The following IMPG1 variants were observed in gnomAD, a reference collection of about 807,000 sequenced individuals.
IMPG1 encodes the protein interphotoreceptor matrix proteoglycan 1.
Under a neutral mutation model 92.0 loss-of-function variants are expected in IMPG1, and 85 were observed. The ratio of observed to expected loss-of-function variants is 0.92; its 90% CI spans 0.78 to 1.11. The LOEUF is 1.11. Ranked by LOEUF, IMPG1 falls within the 50% of genes least tolerant of loss-of-function variation. The probability of loss-of-function intolerance (pLI) is 0.00; values close to 1 mark genes in which losing one functional copy is unlikely to be tolerated. For missense variants in IMPG1, 1,022 were observed against 956.0 expected (o/e 1.07, Z -0.91); for synonymous variants, 367 against 334.1 (o/e 1.10, Z -1.08).
chr6:76,029,302 G>T (rs139591448), intron 4 of IMPG1, among the ~76,000 whole-genome samples: 1 of 152,308 alleles, frequency 6.6e-6, no homozygotes, highest in South Asian at 2.1e-4. Flanking sequence ...GAGAGTCCTC[G>T]TGGAACAGAC....
intron 1 of IMPG1, among the ~76,000 whole-genome samples, chr6:76,065,481 A>G (rs913252861): frequency 1.3e-5 from 2 of 152,174 alleles, no homozygotes; most frequent in African/African-American, 4.8e-5. Flanking sequence ...ACCAAGTGAA[A>G]GAAAGAATAT....
At chr6:76,000,153 C>T (rs1782964267) in intron 12 of IMPG1, among the ~76,000 whole-genome samples, 1 of 152,160 alleles carries the variant, frequency 6.6e-6, no homozygotes, top group Non-Finnish European at 1.5e-5. Context: ...CTTTACACAG[C>T]CTGTTAAGAA....
intron 2 of IMPG1, 115 bp downstream of exon 2, chr6:76,041,778 A>T (rs1783846624): frequency 8.9e-6 from 6 of 673,116 alleles, no homozygotes; most frequent in Non-Finnish European, 1.6e-5. Flanking sequence ...GATTTTTATA[A>T]TTCTTGTGGC....
At chr6:75,953,978 T>C (rs1236307750) in intron 12 of IMPG1, among the ~76,000 whole-genome samples, 2 of 152,266 alleles carry the variant, frequency 1.3e-5, no homozygotes, top group Non-Finnish European at 2.9e-5. Context: ...TTCCATGGTA[T>C]ATATGTGCTA....
At chr6:75,993,573 G>A (rs1226676862) in intron 12 of IMPG1, among the ~76,000 whole-genome samples, 2 of 151,992 alleles carry the variant, frequency 1.3e-5, no homozygotes, top group Non-Finnish European at 2.9e-5. Flanking sequence ...TCTTATAAGG[G>A]CTCGGCCCTC....
At chr6:76,032,461 A>G (rs540541464) in intron 4 of IMPG1, among the ~76,000 whole-genome samples, 1 of 152,326 alleles carries the variant, frequency 6.6e-6, no homozygotes, top group African/African-American at 2.4e-5. Flanking sequence ...TTTAAAATCT[A>G]TAAAAGAGTG....
chr6:76,063,217 A>C lies in IMPG1; in HGVS notation c.67+9205T>G, dbSNP rs182098453. 4.2e-3 allele frequency among the ~76,000 whole-genome samples: 636 copies of C among 151,938 alleles called. 6 individuals carry two copies. Among genetic ancestry groups the C allele is most frequent in the African/African-American group, 0.015 (603 of 41,528 alleles). On this transcript the variant is annotated intron_variant, in intron 1 of 16. Coordinates refer to ENST00000369950, the MANE Select transcript of IMPG1 (RefSeq NM_001563.4). ...AGACTCCATCTCAAAAAAATAAAAT[A>C]AAATAAATAAAATGAAATAAATTAA...
intron 12 of IMPG1, among the ~76,000 whole-genome samples, chr6:75,962,086 A>T (rs1782219873): frequency 6.6e-6 from 1 of 151,932 alleles, no homozygotes. Context: ...TTTCACCAAG[A>T]CTTCTGCAAT....
chr6:76,003,671 T>C (rs1414542554), intron 11 of IMPG1, among the ~76,000 whole-genome samples: 1 of 152,226 alleles, frequency 6.6e-6, no homozygotes, highest in Non-Finnish European at 1.5e-5. Context: ...CTTTGAGATA[T>C]TTAAAATGCA....
rs561794509 is a variant in IMPG1, at chr6:76,009,113, A to G, written c.867-1613T>C. Among the ~76,000 whole-genome samples the G allele has an allele frequency of 2.6e-5, 4 of 152,320 alleles. No individual in the cohort carries two copies. In the South Asian group the frequency reaches 8.3e-4, roughly 32 times the overall value. Reference sequence around the variant, plus strand: ...TATGACAATTTGTTGCCCTGTTGATAGACACTTGGGTTATTTCCAGGTCTT... The same window carrying G: ...TATGACAATTTGTTGCCCTGTTGATGGACACTTGGGTTATTTCCAGGTCTT... On this transcript the variant is annotated intron_variant, in intron 8 of 16. Transcript: ENST00000369950.
rs752036174 is a variant in IMPG1, at chr6:75,923,688, T to A, written c.2262A>T (p.Glu754Asp). 1 of 1,597,154 alleles carries A rather than the reference T, an allele frequency of 6.3e-7. No individual in the cohort carries two copies. Among genetic ancestry groups the A allele is most frequent in the South Asian group, 1.1e-5 (1 of 90,316 alleles). The change falls in exon 16 of 17, where the codon GAA (glutamate) becomes GAT (aspartate). Residue 754 changes from glutamate to aspartate, a missense_variant. By Grantham distance (45) the Glu-to-Asp change is conservative. This residue lies in a region of IMPG1 where 332 missense variants were observed against 346.2 expected (regional missense o/e 0.96). Coordinates refer to ENST00000369950, the MANE Select transcript of IMPG1 (RefSeq NM_001563.4). The part of the protein sequence containing the change: ...GAPCRLPDHS[E>D]NQAYKTSVKK... ...TAACACTAGTTTTGTATGCTTGATT[T>A]TCAGAGTGATCTGGCAACCTACAAA...
intron 4 of IMPG1, among the ~76,000 whole-genome samples, chr6:76,025,494 G>T (rs1783509401): frequency 6.6e-6 from 1 of 152,108 alleles, no homozygotes; most frequent in South Asian, 2.1e-4. Flanking sequence ...TTTTCCGTAA[G>T]CATCCTTTTT....
chr6:75,996,605 G>C (rs377033785), intron 12 of IMPG1, among the ~76,000 whole-genome samples: 3 of 152,146 alleles, frequency 2.0e-5, no homozygotes, highest in Non-Finnish European at 2.9e-5. Context: ...GTCATGAGGA[G>C]GGCTTTGAGG....
At chr6:76,046,766 A>G (rs1003025913) in intron 1 of IMPG1, among the ~76,000 whole-genome samples, 3 of 152,172 alleles carry the variant, frequency 2.0e-5, no homozygotes, top group African/African-American at 7.2e-5. Context: ...AAAACAGTGT[A>G]AGACACAGTG....
intron 14 of IMPG1, among the ~76,000 whole-genome samples, chr6:75,940,876 C>T (rs935049840): frequency 9.9e-5 from 15 of 152,186 alleles, no homozygotes; most frequent in Non-Finnish European, 1.8e-4. Context: ...AATAGTCCCT[C>T]ACCCCCTTTC....
intron 7 of IMPG1, among the ~76,000 whole-genome samples, chr6:76,017,200 A>C (rs1002832785): frequency 3.3e-5 from 5 of 152,054 alleles, no homozygotes; most frequent in African/African-American, 1.2e-4. Flanking sequence ...AGGCTCAAAA[A>C]AAAAAAAAAA....
At chr6:75,945,071 AG>A (rs765485860) in intron 14 of IMPG1, among the ~76,000 whole-genome samples, 1 of 152,208 alleles carries the variant, frequency 6.6e-6, no homozygotes, top group Non-Finnish European at 1.5e-5. Context: ...GCTTCTTGGA[AG>A]AAAAGCTGCA....
Position 76,027,830 on chromosome 6 carries a change from ATAAT to A in IMPG1, c.498-2576_498-2573del, listed in dbSNP as rs573243026. ...TGGAGTCATCATTTTGGCACAATAA[ATAAT>A]TTATGGCTATCTGGAATTATGTTTC... On this transcript the variant is annotated intron_variant, in intron 4 of 16. Coordinates refer to ENST00000369950, the MANE Select transcript of IMPG1 (RefSeq NM_001563.4). Among the ~76,000 whole-genome samples, 24 of 152,372 alleles carry A rather than the reference ATAAT, an allele frequency of 1.6e-4. No individual in the cohort carries two copies. The South Asian group carries it at 3.1e-3, about 20-fold the overall frequency.
At chr6:76,037,656 T>C (rs2149488991) in intron 2 of IMPG1, among the ~76,000 whole-genome samples, 1 of 152,352 alleles carries the variant, frequency 6.6e-6, no homozygotes, top group East Asian at 1.9e-4. Context: ...GCAAACCAGC[T>C]GCCTTTGCTA....
Sources: allele counts gnomAD v4.1 joint callset (sites outside exome capture counted in the v4.1 genomes callset), GRCh38; gene constraint gnomAD v4.1.1; regional missense constraint gnomAD v4.1.1; transcripts MANE v1.5; gene names NCBI Gene and HGNC (gene_info 2026-07-23, HGNC 2026-07-21).